Variants in PTGES2 observed in about 807,000 individuals in gnomAD.
PTGES2 encodes the protein GATE-binding factor 1.
PTGES2 carries 35 observed loss-of-function variants against 44.5 expected under a neutral mutation model. That is an observed-to-expected ratio of 0.79 (90% CI 0.60 to 1.04). The LOEUF is 1.04. PTGES2 is among the 50% of genes least tolerant of loss of function. The pLI, the probability that PTGES2 is intolerant of heterozygous loss-of-function variation, is 0.00. For synonymous variants in PTGES2, 221 were observed against 227.5 expected (o/e 0.97, Z 0.26); for missense variants, 517 against 521.4 (o/e 0.99, Z 0.08).
Position 128,123,619 on chromosome 9 carries a change from A to C in PTGES2, c.686+83T>G. On this transcript the variant is annotated intron_variant, in intron 4 of 6. Transcript: ENST00000338961. The surrounding 1 kb of genome is among the most constrained non-coding windows in gnomAD (Gnocchi z 4.4). ...TGGTCTCCCATGCTGCTCCCTGCTC[A>C]CGCCATCTTGCTCAGCTTGGTCCTA... The C allele has an allele frequency of 7.0e-7, 1 of 1,429,564 alleles. No homozygotes were observed. The highest frequency in any genetic ancestry group is 9.6e-7 in the Non-Finnish European group (1 of 1,041,914). 88.6% of individuals were successfully genotyped at this position (1,429,564 alleles called of 1,614,324 possible).
At position 128,127,635 on chromosome 9, in the gene PTGES2, G is replaced by A; in HGVS notation, c.83C>T (p.Pro28Leu). 2 of 1,269,210 alleles carry A rather than the reference G, an allele frequency of 1.6e-6. No homozygotes were observed. The highest frequency in any genetic ancestry group is 2.0e-6 in the Non-Finnish European group (2 of 1,008,806). The allele number at this position is 1,269,210 out of a possible 1,614,324, so 78.6% of individuals were successfully genotyped here. A position where few individuals can be genotyped will look rare whatever the true frequency, so the allele number is the denominator to read the frequency against. ...AGCCCGGCTCTGCGTGGGTAGCAGC[G>A]GCTGGGGGCGGCCTCCCAGCCTCCA... ...LAWRLGGRPQ[P>L]LLPTQSRAGF... The change falls in exon 1 of 7, where the codon CCG becomes CTG. Residue 28 changes from proline (P) to leucine (L), a missense_variant. Physicochemically the swap from Pro to Leu is moderately conservative, Grantham distance 98. Transcript: ENST00000338961.
At chr9:128,126,203 A>T (rs1834610874) in intron 1 of PTGES2, among the ~76,000 whole-genome samples, 1 of 152,242 alleles carries the variant, frequency 6.6e-6, no homozygotes, top group African/African-American at 2.4e-5. Context: ...AGGGAGACAC[A>T]GAGTACTCCA....
At chr9:128,122,088 G>A (rs1834431626) in intron 6 of PTGES2, among the ~76,000 whole-genome samples, 1 of 152,208 alleles carries the variant, frequency 6.6e-6, no homozygotes, top group African/African-American at 2.4e-5. Context: ...GACAGGTAGA[G>A]CTTGGGCTCT....
chr9:128,121,188 A>G lies in PTGES2; in HGVS notation c.1091T>C (p.Leu364Pro). 1 of 1,594,006 alleles carries G rather than the reference A, an allele frequency of 6.3e-7. No individual in the cohort carries two copies. The highest frequency in any genetic ancestry group is 8.5e-7 in the Non-Finnish European group (1 of 1,170,456). Residue 364 changes from leucine (L) to proline (P), a missense_variant, in exon 7 of 7, where the codon CTG becomes CCG. Transcript: ENST00000338961. ...CTCGGTGATGGCCCTCTCCACCCGCAGGTACCAGGGCTGGATGTGCGTGTG... is the reference window on the plus strand; with the variant it reads ...CTCGGTGATGGCCCTCTCCACCCGCGGGTACCAGGGCTGGATGTGCGTGTG... ...MQHTHIQPWY[L>P]RVERAITEAS...
At chr9:128,121,316 G>A in intron 6 of PTGES2, 43 bp from the exon 7 acceptor site, 1 of 1,586,550 alleles carries the variant, frequency 6.3e-7, no homozygotes, top group African/African-American at 1.3e-5. Flanking sequence ...TGGTTTGACA[G>A]GCATCCAGAC....
At chr9:128,122,910 C>A in intron 5 of PTGES2, 24 bp downstream of exon 5, 1 of 1,612,130 alleles carries the variant, frequency 6.2e-7, no homozygotes. Flanking sequence ...GGACAGCAGG[C>A]CCCGGATGTG....
chr9:128,126,030 T>C (rs558075467), intron 1 of PTGES2, among the ~76,000 whole-genome samples: 93 of 152,310 alleles, frequency 6.1e-4, no homozygotes, highest in Non-Finnish European at 1.0e-3. Flanking sequence ...CCAAAGTCTA[T>C]CTCAAATATC....
Position 128,124,489 on chromosome 9 carries a change from T to C in PTGES2, c.536+3A>G. 6.2e-7 allele frequency: 1 copy of C among 1,613,418 alleles called. No homozygotes were observed. Among genetic ancestry groups the C allele is most frequent in the Middle Eastern group, 1.7e-4 (1 of 5,948 alleles). On this transcript the variant is annotated splice_donor_region_variant and intron_variant, in intron 3 of 6. Transcript: ENST00000338961. ...GCCACCTGGTCTCCGAGGGGCTCCT[T>C]ACCCCGACACCAGGTAGGTCTTGAG...
chr9:128,128,065 C>G (rs757307832), upstream of PTGES2: 1 of 377,076 alleles, frequency 2.7e-6, no homozygotes. Context: ...TTGCCCACCT[C>G]TCTTACGGGC....
At position 128,123,107 on chromosome 9, in the gene PTGES2, C is replaced by T. The variant is rs767170858; in HGVS notation, c.714G>A (p.Ala238=). Residue 238 remains alanine (A), a synonymous_variant, in exon 5 of 7, where the codon GCG becomes GCA. Coordinates refer to ENST00000338961, the MANE Select transcript of PTGES2 (RefSeq NM_025072.7). This position sits in a 1 kb window ranked among gnomAD's most constrained non-coding sequence, Gnocchi z 4.4. ...RTEEMKWRQW[A]DDWLVHLISP... ...AGATCAGGTGCACCAGCCAGTCGTC[C>T]GCCCACTGCCGCCACTTCATCTCCT... 9 of 1,610,318 alleles carry T rather than the reference C, an allele frequency of 5.6e-6. No homozygotes were observed. The highest frequency in any genetic ancestry group is 2.2e-5 in the East Asian group (1 of 44,878).
At position 128,122,386 on chromosome 9, in the gene PTGES2, G is replaced by A. The variant is rs1564208318; in HGVS notation, c.981C>T (p.Gly327=). 4.3e-6 allele frequency: 7 copies of A among 1,613,910 alleles called. No individual in the cohort carries two copies. The East Asian group carries it at 6.7e-5, about 15-fold the overall frequency. Residue 327 remains glycine (G), a synonymous_variant, in exon 6 of 7, where the codon GGC becomes GGT. Transcript: ENST00000338961. ...CCAAATCAGCGAGATTCGGCTTCTG[G>A]CCCCCCATGAAGGGCCGGTCCTTGC... ...AVGKDRPFMG[G]QKPNLADLAV... is the part of the protein sequence containing the mutation.
chr9:128,127,357 CAACTCCTGACCCTGCGGGT>C (rs1834665523), intron 1 of PTGES2, 63 bp downstream of exon 1: 191 of 1,209,336 alleles, frequency 1.6e-4, no homozygotes, highest in Non-Finnish European at 2.0e-4. Context: ...CAGGCAGAGG[CAACTCCTGACCCTGCGGGT>C]TCCCAGGAGT....
chr9:128,127,479 A>C lies in PTGES2; in HGVS notation c.239T>G (p.Leu80Arg), dbSNP rs765488191. ...CTCTGCGTGGAGGTCCTGGGCGCGC[A>C]GGTGCCACCGCGCCGTGTGGTACAG... ...LGLYHTARWH[L>R]RAQDLHAERS... The change falls in exon 1 of 7, where the codon CTG (leucine) becomes CGG (arginine). Residue 80 changes from leucine to arginine, a missense_variant. Leu to Arg is a moderately radical substitution (Grantham distance 102, BLOSUM62 -2). Coordinates refer to ENST00000338961, the MANE Select transcript of PTGES2 (RefSeq NM_025072.7). 3.6e-6 allele frequency: 5 copies of C among 1,402,528 alleles called. No homozygotes were observed. The highest frequency in any genetic ancestry group is 4.7e-6 in the Non-Finnish European group (5 of 1,074,016). 86.9% of individuals were successfully genotyped at this position (1,402,528 alleles called of 1,614,324 possible). A position where few individuals can be genotyped will look rare whatever the true frequency, so the allele number is the denominator to read the frequency against.
chr9:128,121,364 T>G, intron 6 of PTGES2, 91 bp from the exon 7 acceptor site: 1 of 1,480,508 alleles, frequency 6.8e-7, no homozygotes, highest in East Asian at 2.5e-5. Flanking sequence ...CCAGGTCCCG[T>G]CCCCTCCCCC....
In PTGES2 at chr9:128,123,628, T is replaced by C. The variant is rs778139021; in HGVS notation, c.686+74A>G. On this transcript the variant is annotated intron_variant, in intron 4 of 6. Coordinates refer to ENST00000338961, the MANE Select transcript of PTGES2 (RefSeq NM_025072.7). This position sits in a 1 kb window ranked among gnomAD's most constrained non-coding sequence, Gnocchi z 4.4. Reference sequence around the variant, plus strand: ...ATGCTGCTCCCTGCTCACGCCATCTTGCTCAGCTTGGTCCTACTCTACAGA... The same window carrying C: ...ATGCTGCTCCCTGCTCACGCCATCTCGCTCAGCTTGGTCCTACTCTACAGA... 5.0e-5 allele frequency: 74 copies of C among 1,488,846 alleles called. 1 individual carries two copies. Among genetic ancestry groups the C allele is most frequent in the South Asian group, 4.9e-4 (40 of 82,006 alleles). The allele number at this position is 1,488,846 out of a possible 1,614,324, so 92.2% of individuals were successfully genotyped here. A position where few individuals can be genotyped will look rare whatever the true frequency, so the allele number is the denominator to read the frequency against.
In PTGES2 at chr9:128,121,243, C is replaced by G; in HGVS notation, c.1036G>C (p.Gly346Arg). ...AVYGVLRVMEGLDAFDDLMQH... is the reference protein window; with the variant it reads ...AVYGVLRVMERLDAFDDLMQH... The stretch of plus-strand genomic sequence containing the variant: ...ATCAGGTCATCGAACGCATCCAGCC[C>G]CTCCATCACACGCAGCACGCCATAC... The change falls in exon 7 of 7, where the codon GGG becomes CGG. Residue 346 changes from glycine (G) to arginine (R), a missense_variant. Physicochemically the swap from Gly to Arg is moderately radical, Grantham distance 125. Transcript: ENST00000338961. 6.2e-7 allele frequency: 1 copy of G among 1,608,686 alleles called. No individual in the cohort carries two copies. The highest frequency in any genetic ancestry group is 8.5e-7 in the Non-Finnish European group (1 of 1,177,250).
upstream of PTGES2, chr9:128,127,818 G>A (rs78608535): frequency 5.0e-3 from 5,595 of 1,123,100 alleles, 197 homozygotes; most frequent in African/African-American, 0.08. Flanking sequence ...GGGTTGGCCG[G>A]GGTGAGGGCG....
Position 128,123,046 on chromosome 9 carries a change from C to T in PTGES2, c.775G>A (p.Ala259Thr), listed in dbSNP as rs150383687. 197 of 1,613,572 alleles carry T rather than the reference C, an allele frequency of 1.2e-4. No individual in the cohort carries two copies. The highest frequency in any genetic ancestry group is 1.6e-4 in the Non-Finnish European group (190 of 1,180,030). Reference sequence around the variant, plus strand: ...TCGCGGACAATGTAGTCAAAGGACGCCAGAGCCTCGGTGGGCGTGCGGTAC... The same window carrying T: ...TCGCGGACAATGTAGTCAAAGGACGTCAGAGCCTCGGTGGGCGTGCGGTAC... ...NVYRTPTEAL[A>T]SFDYIVREGK... Residue 259 changes from alanine to threonine, a missense_variant, in exon 5 of 7, where the codon GCG becomes ACG. Coordinates refer to ENST00000338961, the MANE Select transcript of PTGES2 (RefSeq NM_025072.7). The surrounding 1 kb of genome is among the most constrained non-coding windows in gnomAD (Gnocchi z 4.4).
chr9:128,127,420 C>A lies in PTGES2; in HGVS notation c.279+19G>T. On this transcript the variant is annotated intron_variant, in intron 1 of 6. Transcript: ENST00000338961. ...CGGCGCTGATCAGCATCCCCATCCC[C>A]GGCCGGGCCAGGCCTTACCTGCGCG... The A allele has an allele frequency of 1.5e-6, 2 of 1,341,498 alleles. No homozygotes were observed. The highest frequency in any genetic ancestry group is 2.8e-5 in the East Asian group (1 of 35,382). The allele number at this position is 1,341,498 out of a possible 1,614,324, so 83.1% of individuals were successfully genotyped here. A position where few individuals can be genotyped will look rare whatever the true frequency, so the allele number is the denominator to read the frequency against.
Sources: allele counts gnomAD v4.1 joint callset (sites outside exome capture counted in the v4.1 genomes callset), GRCh38; gene constraint gnomAD v4.1.1; non-coding constraint Gnocchi (gnomAD v3.1); transcripts MANE v1.5; gene names NCBI Gene and HGNC (gene_info 2026-07-23, HGNC 2026-07-21).